MGA: variants seen among roughly 807,000 people sequenced by gnomAD.
The protein encoded by MGA is MAX gene-associated protein.
Under a neutral mutation model 261.1 loss-of-function variants are expected in MGA, and 40 were observed. That is an observed-to-expected ratio of 0.15 (90% CI 0.12 to 0.20). The LOEUF (loss-of-function observed/expected upper bound fraction) is 0.20. Among genes scored for constraint, MGA ranks in the 10% least tolerant of loss-of-function variants. The probability of loss-of-function intolerance (pLI) is 1.00; values close to 1 mark genes in which losing one functional copy is unlikely to be tolerated. For synonymous variants in MGA, 1,302 were observed against 1,290.6 expected (o/e 1.01, Z -0.19); for missense variants, 3,397 against 3,630.5 (o/e 0.94, Z 1.65).
At chr15:41,728,251 A>C (rs2061347245) in intron 10 of MGA, among the ~76,000 whole-genome samples, 1 of 152,168 alleles carries the variant, frequency 6.6e-6, no homozygotes, top group Admixed American at 6.5e-5. Context: ...GAATCACTTG[A>C]ACCTGGGAGG....
intron 2 of MGA, among the ~76,000 whole-genome samples, chr15:41,688,366 A>G (rs12900408): frequency 0.97 from 147,480 of 152,284 alleles, 71,597 homozygotes; most frequent in East Asian, 1. Flanking sequence ...CACCGTGCCC[A>G]GCCTAAAACT....
chr15:41,754,333 G>C, intron 17 of MGA, 104 bp from the exon 18 acceptor site: 1 of 1,028,200 alleles, frequency 9.7e-7, no homozygotes, highest in Non-Finnish European at 1.4e-6. Flanking sequence ...GATATAACAT[G>C]AATGTCTGGC....
intron 1 of MGA, among the ~76,000 whole-genome samples, chr15:41,623,773 ATATT>A (rs1418038431): frequency 1.2e-3 from 126 of 104,686 alleles, no homozygotes; most frequent in Middle Eastern, 4.6e-3. Context: ...ATATATATAT[ATATT>A]TTTTTTTTTT....
intron 1 of MGA, among the ~76,000 whole-genome samples, chr15:41,667,253 AT>A (rs556993909): frequency 3.1e-4 from 45 of 147,458 alleles, no homozygotes; most frequent in Non-Finnish European, 3.3e-4. Flanking sequence ...ATGTATTTTT[AT>A]TTTTTTTTTT....
chr15:41,635,348 G>A (rs1253080403), intron 1 of MGA, among the ~76,000 whole-genome samples: 1 of 149,342 alleles, frequency 6.7e-6, no homozygotes, highest in Non-Finnish European at 1.5e-5. Flanking sequence ...AAATAAATAA[G>A]TAAATAAGAG....
rs939494421 is a variant in MGA, at chr15:41,769,813, AATAT to A, written c.*2540_*2543del. On this transcript the variant is annotated 3_prime_UTR_variant, in exon 24 of 24. Transcript: ENST00000219905. ...ATTTAGCATTTTCTTTTATATATTA[AATAT>A]ATATATCTTTCCTTTTCTGCTTTCG... is the stretch of plus-strand genomic sequence containing the variant. The A allele has an allele frequency of 7.9e-5, 12 of 152,520 alleles. No homozygotes were observed. Among genetic ancestry groups the A allele is most frequent in the African/African-American group, 1.7e-4 (7 of 41,414 alleles). 9.4% of individuals were successfully genotyped at this position (152,520 alleles called of 1,614,324 possible).
rs370356885 is a variant in MGA at position 41,747,627 on chromosome 15, T to C, written c.5213-1010T>C. ...TACTTGGGAGGCTGAGCCTGGGAGT[T>C]CGAGGTGGCAGTGAGCTGTGATCCC... On this transcript the variant is annotated intron_variant, in intron 15 of 23. Coordinates refer to ENST00000219905, the MANE Select transcript of MGA (RefSeq NM_001164273.2). Among the ~76,000 whole-genome samples, 26 of 151,262 alleles carry C rather than the reference T, an allele frequency of 1.7e-4. No individual in the cohort carries two copies. In the East Asian group the frequency reaches 2.9e-3, roughly 17 times the overall value.
rs762025959 is a variant in MGA at position 41,708,097 on chromosome 15, T to G, written c.2321-7T>G. On this transcript the variant is annotated splice_polypyrimidine_tract_variant and splice_region_variant and intron_variant, in intron 6 of 23. Transcript: ENST00000219905. The stretch of plus-strand genomic sequence containing the variant: ...TTTGGTCATCTGTTTGACTTTTTCT[T>G]TTATAGATGCGGGATTTCCCTTTGT... 4 of 1,561,056 alleles carry G rather than the reference T, an allele frequency of 2.6e-6. No individual in the cohort carries two copies. Among genetic ancestry groups the G allele is most frequent in the Admixed American group, 4.0e-5 (2 of 49,912 alleles).
At chr15:41,658,842 AT>A (rs1472638975), upstream of MGA, among the ~76,000 whole-genome samples, 1 of 151,986 alleles carries the variant, frequency 6.6e-6, no homozygotes, top group African/African-American at 2.4e-5. Flanking sequence ...TAGAGAGATC[AT>A]TTGGGTTAAC....
chr15:41,769,823 TCTTTC>T lies in MGA; in HGVS notation c.*2548_*2552del, dbSNP rs1056840857. ...TTCTTTTATATATTAAATATATATATCTTTCCTTTTCTGCTTTCGAAAAGTGACTA... is the reference window on the plus strand; with the variant it reads ...TTCTTTTATATATTAAATATATATATCTTTTCTGCTTTCGAAAAGTGACTA... On this transcript the variant is annotated 3_prime_UTR_variant, in exon 24 of 24. Transcript: ENST00000219905. 6.6e-6 allele frequency: 1 copy of T among 152,618 alleles called. No homozygotes were observed. Among genetic ancestry groups the T allele is most frequent in the East Asian group, 1.9e-4 (1 of 5,202 alleles). The allele number at this position is 152,618 out of a possible 1,614,324, so 9.5% of individuals were successfully genotyped here.
At chr15:41,698,647 C>T (rs560232223) in intron 3 of MGA, among the ~76,000 whole-genome samples, 15 of 152,110 alleles carry the variant, frequency 9.9e-5, no homozygotes, top group African/African-American at 3.1e-4. Flanking sequence ...TTTTACTTCC[C>T]CCTTTTCCCC....
At chr15:41,667,355 C>G (rs1457241299) in intron 1 of MGA, among the ~76,000 whole-genome samples, 1 of 151,876 alleles carries the variant, frequency 6.6e-6, no homozygotes, top group East Asian at 1.9e-4. Context: ...AAGCAATTCT[C>G]TTGTCTTAGC....
At chr15:41,706,448 A>G (rs1038193712) in intron 5 of MGA, among the ~76,000 whole-genome samples, 1 of 151,578 alleles carries the variant, frequency 6.6e-6, no homozygotes, top group Non-Finnish European at 1.5e-5. Flanking sequence ...TATGTATAGG[A>G]TACATGGGGT....
At chr15:41,757,693 C>A in intron 18 of MGA, 95 bp from the exon 19 acceptor site, 2 of 906,088 alleles carry the variant, frequency 2.2e-6, no homozygotes, top group Non-Finnish European at 3.4e-6. Flanking sequence ...GAAAAAGAAA[C>A]TGGTTGTAAT....
intron 23 of MGA, among the ~76,000 whole-genome samples, chr15:41,765,782 A>C (rs2152041380): frequency 6.6e-6 from 1 of 152,324 alleles, no homozygotes; most frequent in Admixed American, 6.5e-5. Context: ...AACTTTAAAA[A>C]ATGGTGGAAA....
chr15:41,688,464 C>G (rs2059087143), intron 2 of MGA, among the ~76,000 whole-genome samples: 2 of 152,218 alleles, frequency 1.3e-5, no homozygotes. Flanking sequence ...CTTTTTCCCT[C>G]CTTGTACTTT....
intron 2 of MGA, among the ~76,000 whole-genome samples, chr15:41,671,771 C>T (rs1312044508): frequency 6.6e-6 from 1 of 152,178 alleles, no homozygotes; most frequent in Admixed American, 6.5e-5. Context: ...AATCTCCGTG[C>T]TCATGAGTTC....
chr15:41,708,134 G>A lies in MGA; in HGVS notation c.2351G>A (p.Gly784Glu). ...GGATTTCCCTTTGTTTCTAGGACAG[G>A]GAAAACCAATGATTTCACTAAGATC... Residue 784 changes from glycine (G) to glutamate (E), a missense_variant, in exon 7 of 24, where the codon GGG (glycine) becomes GAG (glutamate). Gly to Glu is a moderately conservative substitution (Grantham distance 98). Transcript: ENST00000219905. 1 of 1,596,926 alleles carries A rather than the reference G, an allele frequency of 6.3e-7. No individual in the cohort carries two copies. Among genetic ancestry groups the A allele is most frequent in the Non-Finnish European group, 8.5e-7 (1 of 1,171,256 alleles).
chr15:41,641,487 C>CTTTT (rs35157141), intron 1 of MGA, among the ~76,000 whole-genome samples: 1 of 123,690 alleles, frequency 8.1e-6, no homozygotes, highest in Non-Finnish European at 1.7e-5. Context: ...CATCCTAACA[C>CTTTT]TTTTTTTTTT....
Sources: gnomAD v4.1 joint callset for allele counts (sites outside exome capture counted in the v4.1 genomes callset) on GRCh38, gnomAD v4.1.1 for gene constraint, MANE v1.5 for transcripts, NCBI Gene and HGNC (gene_info 2026-07-23, HGNC 2026-07-21) for gene names.